Variants in SHROOM3 observed in about 807,000 individuals in gnomAD.
SHROOM3 encodes shroom family member 3, also known as protein Shroom3.
In SHROOM3, 47 loss-of-function variants were observed where a neutral mutation model predicts 138.6. The observed-to-expected ratio is 0.34, with a 90% confidence interval of 0.27 to 0.43. The LOEUF is 0.43. Among genes scored for constraint, SHROOM3 ranks in the 20% least tolerant of loss-of-function variants. The probability of loss-of-function intolerance (pLI) is 1.00; values close to 1 mark genes in which losing one functional copy is unlikely to be tolerated. For missense variants in SHROOM3, 2,491 were observed against 2,596.5 expected (o/e 0.96, Z 0.88); for synonymous variants, 1,062 against 1,063.3 (o/e 1.00, Z 0.02).
chr4:76,489,019 C>G (rs1375360624), intron 1 of SHROOM3, among the ~76,000 whole-genome samples: 2 of 152,200 alleles, frequency 1.3e-5, no homozygotes, highest in African/African-American at 4.8e-5. Context: ...ACTCCAACTC[C>G]TGAATATGGT....
chr4:76,722,884 A>C (rs1720591034), intron 3 of SHROOM3, among the ~76,000 whole-genome samples: 1 of 151,832 alleles, frequency 6.6e-6, no homozygotes, highest in Non-Finnish European at 1.5e-5. Flanking sequence ...TAATGGATGG[A>C]GAGGTTGATG....
intron 5 of SHROOM3, among the ~76,000 whole-genome samples, chr4:76,743,992 A>G (rs1212913811): frequency 1.3e-5 from 2 of 152,234 alleles, no homozygotes; most frequent in Admixed American, 1.3e-4. Flanking sequence ...AAACCAAATC[A>G]TTATTGTTTA....
intron 2 of SHROOM3, chr4:76,559,353 C>A (rs1443179577): frequency 6.6e-6 from 1 of 152,176 alleles, no homozygotes; most frequent in African/African-American, 2.4e-5. Context: ...AGTGCCGTCA[C>A]TTTCCTGAGA....
At chr4:76,533,311 G>C (rs1432871373) in intron 1 of SHROOM3, among the ~76,000 whole-genome samples, 1 of 152,134 alleles carries the variant, frequency 6.6e-6, no homozygotes, top group Non-Finnish European at 1.5e-5. Flanking sequence ...CTACTCTGGG[G>C]ACACATATAT....
intron 6 of SHROOM3, among the ~76,000 whole-genome samples, chr4:76,751,292 T>A (rs1578018463): frequency 6.6e-6 from 1 of 152,220 alleles, no homozygotes; most frequent in East Asian, 1.9e-4. Flanking sequence ...TGGAGGAATG[T>A]GCCCTCTGTT....
At chr4:76,528,967 G>T (rs1375003391) in intron 1 of SHROOM3, among the ~76,000 whole-genome samples, 2 of 152,192 alleles carry the variant, frequency 1.3e-5, no homozygotes, top group Non-Finnish European at 2.9e-5. Flanking sequence ...CTTGTGAGGA[G>T]GCCTCCTCTG....
intron 2 of SHROOM3, chr4:76,573,484 C>T (rs1449818957): frequency 1.3e-5 from 2 of 153,826 alleles, no homozygotes; most frequent in African/African-American, 4.8e-5. Flanking sequence ...TGAATAGTCC[C>T]TTAAGGGGCT....
At chr4:76,723,121 T>A (rs1380257159) in intron 3 of SHROOM3, among the ~76,000 whole-genome samples, 1 of 152,134 alleles carries the variant, frequency 6.6e-6, no homozygotes, top group Non-Finnish European at 1.5e-5. Context: ...AACTAATAGT[T>A]GTCACTTTCT....
intron 10 of SHROOM3, among the ~76,000 whole-genome samples, chr4:76,778,103 G>A (rs1346737889): frequency 2.0e-5 from 3 of 152,178 alleles, no homozygotes; most frequent in Non-Finnish European, 4.4e-5. Context: ...TTCAAGAGGT[G>A]GAAGAGGGCC....
chr4:76,760,909 TTAAC>T (rs1375965828), intron 9 of SHROOM3, among the ~76,000 whole-genome samples: 1 of 152,256 alleles, frequency 6.6e-6, no homozygotes, highest in South Asian at 2.1e-4. Flanking sequence ...CATGGCATCT[TTAAC>T]TGAACGTTTT....
chr4:76,736,578 G>C (rs1721077922), intron 4 of SHROOM3, among the ~76,000 whole-genome samples: 1 of 152,104 alleles, frequency 6.6e-6, no homozygotes, highest in Non-Finnish European at 1.5e-5. Flanking sequence ...ATGTAATCTA[G>C]AAATAGAAGA....
intron 2 of SHROOM3, among the ~76,000 whole-genome samples, chr4:76,612,898 C>T (rs1053212072): frequency 1.3e-5 from 2 of 152,116 alleles, no homozygotes; most frequent in Non-Finnish European, 2.9e-5. Flanking sequence ...TATATGATTG[C>T]ACCACTGCAC....
chr4:76,711,838 GA>G (rs34892154), intron 3 of SHROOM3, among the ~76,000 whole-genome samples: 193 of 142,634 alleles, frequency 1.4e-3, no homozygotes, highest in African/African-American at 1.3e-3. Context: ...GATTTCATTT[GA>G]AAAAAAAAAA....
intron 1 of SHROOM3, among the ~76,000 whole-genome samples, chr4:76,436,790 A>G (rs1730572615): frequency 6.6e-6 from 1 of 152,216 alleles, no homozygotes; most frequent in African/African-American, 2.4e-5. Flanking sequence ...AACCTTAGTC[A>G]TCCTGCAGCA....
chr4:76,526,197 T>C (rs1284780365), intron 1 of SHROOM3, among the ~76,000 whole-genome samples: 2 of 152,060 alleles, frequency 1.3e-5, no homozygotes, highest in African/African-American at 4.8e-5. Context: ...TGAAACCCCA[T>C]CTCTACTAAA....
chr4:76,674,554 CTTTTTTTTTTTTT>C (rs11312421), intron 2 of SHROOM3, among the ~76,000 whole-genome samples: 18 of 103,290 alleles, frequency 1.7e-4, no homozygotes, highest in South Asian at 7.9e-4. Flanking sequence ...TCCTTCCTTC[CTTTTTTTTTTTTT>C]TTTTTTTTTG....
chr4:76,493,224 C>CAAAAAAA (rs35837765), intron 1 of SHROOM3, among the ~76,000 whole-genome samples: 21 of 56,514 alleles, frequency 3.7e-4, no homozygotes, highest in African/African-American at 1.1e-3. Context: ...AACTCCATCT[C>CAAAAAAA]AAAAAAAAAA....
At chr4:76,486,191 A>G (rs10031136) in intron 1 of SHROOM3, among the ~76,000 whole-genome samples, 107,336 of 152,032 alleles carry the variant, frequency 0.71, 38,173 homozygotes, top group East Asian at 0.81. Context: ...TATTTGCAAT[A>G]CTAACTATAC....
chr4:76,568,702 G>C (rs1560548897), intron 2 of SHROOM3, among the ~76,000 whole-genome samples: 1 of 152,104 alleles, frequency 6.6e-6, no homozygotes. Flanking sequence ...CCTTCTCTCT[G>C]TCCTCAGCTT....
Sources: allele counts gnomAD v4.1 joint callset (sites outside exome capture counted in the v4.1 genomes callset), GRCh38; gene constraint gnomAD v4.1.1; transcripts MANE v1.5; gene names NCBI Gene and HGNC (gene_info 2026-07-23, HGNC 2026-07-21).